Variants in TMEM237 observed in about 807,000 individuals in gnomAD.
The protein encoded by TMEM237 is transmembrane protein 237, also known as amyotrophic lateral sclerosis 2 (juvenile) chromosome region, candidate 4.
A neutral mutation model predicts 59.1 loss-of-function variants in TMEM237; 51 were observed. The observed-to-expected ratio is 0.86, with a 90% CI of 0.69 to 1.09. The LOEUF (loss-of-function observed/expected upper bound fraction) is 1.09, where lower values mean the gene tolerates loss of function less well. Among genes scored for constraint, TMEM237 ranks in the 50% least tolerant of loss-of-function variants. The pLI is 0.00. For missense variants in TMEM237, 475 were observed against 478.3 expected (o/e 0.99, Z 0.06); for synonymous variants, 140 against 166.1 (o/e 0.84, Z 1.21).
chr2:201,640,794 G>T, intron 2 of TMEM237, 99 bp downstream of exon 2: 1 of 1,014,746 alleles, frequency 9.9e-7, no homozygotes, highest in South Asian at 1.9e-5. Flanking sequence ...AGAGTTTCCT[G>T]AATCATTGTA....
chr2:201,640,997 T>A (rs1687401979), intron 1 of TMEM237, 73 bp from the exon 2 acceptor site: 1 of 439,602 alleles, frequency 2.3e-6, no homozygotes, highest in Non-Finnish European at 3.3e-6. Context: ...CATCACGCTA[T>A]TTTTTTTTTT....
chr2:201,629,662 AT>A, intron 8 of TMEM237, 66 bp downstream of exon 8: 3 of 1,555,150 alleles, frequency 1.9e-6, no homozygotes, highest in South Asian at 1.2e-5. Context: ...CCAAGAGGTT[AT>A]TTTTTTCTTT....
chr2:201,638,340 T>A (rs966077980), intron 4 of TMEM237: 4 of 152,144 alleles, frequency 2.6e-5, no homozygotes, highest in African/African-American at 9.7e-5. Context: ...AGTTAAAGGA[T>A]CAGGTAAAGA....
intron 11 of TMEM237, among the ~76,000 whole-genome samples, chr2:201,627,028 C>A (rs1275602910): frequency 6.6e-6 from 1 of 151,276 alleles, no homozygotes. Context: ...TGCAGTGAGC[C>A]GAGATAGTGC....
intron 1 of TMEM237, among the ~76,000 whole-genome samples, chr2:201,641,645 T>C (rs908493866): frequency 2.5e-5 from 3 of 117,864 alleles, no homozygotes; most frequent in East Asian, 3.1e-4. Context: ...ATATGCAGCA[T>C]GTACGATAAA....
At chr2:201,641,044 T>A in intron 1 of TMEM237, 120 bp from the exon 2 acceptor site, 1 of 787,400 alleles carries the variant, frequency 1.3e-6, no homozygotes, top group Non-Finnish European at 1.9e-6. Flanking sequence ...CAGGCTGGAG[T>A]GCAACGGCAC....
intron 11 of TMEM237, among the ~76,000 whole-genome samples, chr2:201,626,738 G>T (rs535233465): frequency 6.6e-6 from 1 of 152,016 alleles, no homozygotes; most frequent in Non-Finnish European, 1.5e-5. Context: ...TCCCTGACAG[G>T]GGGTAAGAAT....
At position 201,632,817 on chromosome 2, in the gene TMEM237, AT is replaced by A. The variant is rs1158289456; in HGVS notation, c.395+493del. 2.6e-5 allele frequency among the ~76,000 whole-genome samples: 4 copies of A among 152,306 alleles called. No homozygotes were observed. In the South Asian group the frequency reaches 6.2e-4, roughly 24 times the overall value. On this transcript the variant is annotated intron_variant, in intron 6 of 12. Coordinates refer to ENST00000409883, the MANE Select transcript of TMEM237 (RefSeq NM_001044385.3). ...CGGACTAACACAGACATTGATCACT[AT>A]TTGTAGGTTCATTTTCAAATACAAA...
rs778373105 is a variant in TMEM237 at position 201,643,378 on chromosome 2, C to T, written c.23G>A (p.Arg8Gln). The T allele has an allele frequency of 1.3e-6, 2 of 1,546,128 alleles. No individual in the cohort carries two copies. Among genetic ancestry groups the T allele is most frequent in the East Asian group, 2.5e-5 (1 of 40,186 alleles). ...GCTCACCAGGTGGCCCTCCTCCAGCCGAGCCCCCGAGTCAGTCCTCATGGT... is the reference window on the plus strand; with the variant it reads ...GCTCACCAGGTGGCCCTCCTCCAGCTGAGCCCCCGAGTCAGTCCTCATGGT... Reference protein sequence around the residue: MRTDSGARLEEGHLRPPR... With the variant: MRTDSGAQLEEGHLRPPR... Residue 8 changes from arginine (R) to glutamine (Q), a missense_variant, in exon 1 of 13, where the codon CGG becomes CAG. By Grantham distance (43) the Arg-to-Gln change is conservative. Coordinates refer to ENST00000409883, the MANE Select transcript of TMEM237 (RefSeq NM_001044385.3). This position sits in a 1 kb window ranked among gnomAD's most constrained non-coding sequence, Gnocchi z 4.3.
chr2:201,630,886 TGGGATC>T, intron 7 of TMEM237: 1 of 152,268 alleles, frequency 6.6e-6, no homozygotes, highest in African/African-American at 2.4e-5. Context: ...ATCCCTTAAA[TGGGATC>T]TTCTGAAGTA....
Position 201,635,187 on chromosome 2 carries a change from C to T in TMEM237, c.274+1561G>A, listed in dbSNP as rs148307231. On this transcript the variant is annotated intron_variant, in intron 5 of 12. Coordinates refer to ENST00000409883, the MANE Select transcript of TMEM237 (RefSeq NM_001044385.3). The surrounding 1 kb of genome is among the most constrained non-coding windows in gnomAD (Gnocchi z 4.5). Reference sequence around the variant, plus strand: ...CTATGTAGATGTATGTACATATTTACGTTCTGGGTTGAACTGTGCTCCAAA... The same window carrying T: ...CTATGTAGATGTATGTACATATTTATGTTCTGGGTTGAACTGTGCTCCAAA... Among the ~76,000 whole-genome samples, 9 of 152,238 alleles carry T rather than the reference C, an allele frequency of 5.9e-5. No individual in the cohort carries two copies. The East Asian group carries it at 7.7e-4, about 13-fold the overall frequency.
chr2:201,628,062 A>G lies in TMEM237; in HGVS notation c.943+14T>C. On this transcript the variant is annotated intron_variant, in intron 10 of 12. Coordinates refer to ENST00000409883, the MANE Select transcript of TMEM237 (RefSeq NM_001044385.3). Reference sequence around the variant, plus strand: ...GAAGTATTACACAGTTATCATGTTAAACTGCTTACTCACAGAAAGATGCTA... The same window carrying G: ...GAAGTATTACACAGTTATCATGTTAGACTGCTTACTCACAGAAAGATGCTA... 1 of 1,597,036 alleles carries G rather than the reference A, an allele frequency of 6.3e-7. No individual in the cohort carries two copies. The highest frequency in any genetic ancestry group is 1.1e-5 in the South Asian group (1 of 88,306).
Position 201,623,360 on chromosome 2 carries a change from G to T in TMEM237, c.*895C>A. On this transcript the variant is annotated 3_prime_UTR_variant, in exon 13 of 13. Transcript: ENST00000409883. The stretch of plus-strand genomic sequence containing the variant: ...TTCTGAAGAGATCTTTCCCAGTGCA[G>T]GACCCATCTCAAGAGGGGGATTTCC... The T allele has an allele frequency of 5.7e-6, 1 of 175,064 alleles. No homozygotes were observed. Among genetic ancestry groups the T allele is most frequent in the South Asian group, 1.3e-4 (1 of 7,868 alleles). The allele number at this position is 175,064 out of a possible 1,614,324, so 10.8% of individuals were successfully genotyped here. A position where few individuals can be genotyped will look rare whatever the true frequency, so the allele number is the denominator to read the frequency against.
chr2:201,635,766 A>C lies in TMEM237; in HGVS notation c.274+982T>G, dbSNP rs1452444393. On this transcript the variant is annotated intron_variant, in intron 5 of 12. Coordinates refer to ENST00000409883, the MANE Select transcript of TMEM237 (RefSeq NM_001044385.3). The surrounding 1 kb of genome is among the most constrained non-coding windows in gnomAD (Gnocchi z 4.5). The stretch of plus-strand genomic sequence containing the variant: ...TATAAGAGTGAAACTCCATCTTAAA[A>C]AAAAAAAAAAAGAGGCTCGAAGAAA... Among the ~76,000 whole-genome samples the C allele has an allele frequency of 6.6e-6, 1 of 151,730 alleles. No homozygotes were observed. The highest frequency in any genetic ancestry group is 2.4e-5 in the African/African-American group (1 of 41,294).
rs1957685685 is a variant in TMEM237, at chr2:201,620,302, G to A, written c.*3953C>T. 6.6e-6 allele frequency: 1 copy of A among 152,016 alleles called. No homozygotes were observed. Among genetic ancestry groups the A allele is most frequent in the Admixed American group, 6.6e-5 (1 of 15,264 alleles). The allele number at this position is 152,016 out of a possible 1,614,324, so 9.4% of individuals were successfully genotyped here. ...ATCATTATTTATTCCTCTTATTTTT[G>A]GAATCTATTCTTCTTTTATTCAAGG... On this transcript the variant is annotated 3_prime_UTR_variant, in exon 13 of 13. Transcript: ENST00000409883.
Position 201,620,571 on chromosome 2 carries a change from A to G in TMEM237, c.*3684T>C, listed in dbSNP as rs1322379133. 1 of 152,230 alleles carries G rather than the reference A, an allele frequency of 6.6e-6. No homozygotes were observed. The highest frequency in any genetic ancestry group is 1.5e-5 in the Non-Finnish European group (1 of 68,040). 9.4% of individuals were successfully genotyped at this position (152,230 alleles called of 1,614,324 possible). A position where few individuals can be genotyped will look rare whatever the true frequency, so the allele number is the denominator to read the frequency against. On this transcript the variant is annotated 3_prime_UTR_variant, in exon 13 of 13. Transcript: ENST00000409883. ...CAAGGAAGACAACGGTTTTTAAAGC[A>G]AAAATGATTGTTTTGAGAGAATTAT...
intron 3 of TMEM237, among the ~76,000 whole-genome samples, chr2:201,639,322 C>T (rs568151471): frequency 2.8e-4 from 42 of 152,330 alleles, no homozygotes; most frequent in Non-Finnish European, 1.6e-4. Flanking sequence ...TCCCAGCCTC[C>T]TTGCACATAG....
At position 201,627,534 on chromosome 2, in the gene TMEM237, T is replaced by C. The variant is rs1016672558; in HGVS notation, c.944-120A>G. 4 of 643,168 alleles carry C rather than the reference T, an allele frequency of 6.2e-6. No individual in the cohort carries two copies. The East Asian group carries it at 1.1e-4, about 18-fold the overall frequency. The allele number at this position is 643,168 out of a possible 1,614,324, so 39.8% of individuals were successfully genotyped here. Reference sequence around the variant, plus strand: ...GACTGATGATATAAAAGAAATTTATTTGACCAAATAAATATATTTCAATAG... The same window carrying C: ...GACTGATGATATAAAAGAAATTTATCTGACCAAATAAATATATTTCAATAG... On this transcript the variant is annotated intron_variant, in intron 10 of 12. Coordinates refer to ENST00000409883, the MANE Select transcript of TMEM237 (RefSeq NM_001044385.3).
chr2:201,639,187 G>T (rs1687362982), intron 3 of TMEM237, 142 bp from the exon 4 acceptor site: 1 of 717,404 alleles, frequency 1.4e-6, no homozygotes, highest in South Asian at 1.9e-5. Context: ...GGGGAAGAAG[G>T]CAAGAAATTG....
Sources: gnomAD v4.1 joint callset for allele counts (sites outside exome capture counted in the v4.1 genomes callset) on GRCh38, gnomAD v4.1.1 for gene constraint, Gnocchi (gnomAD v3.1) non-coding constraint, MANE v1.5 for transcripts, NCBI Gene and HGNC (gene_info 2026-07-23, HGNC 2026-07-21) for gene names.